Variants in OTC observed in about 807,000 individuals in gnomAD.
The protein encoded by OTC is ornithine transcarbamylase, mitochondrial.
Under a neutral mutation model 30.3 loss-of-function variants are expected in OTC, and 3 were observed. The observed-to-expected ratio is 0.10, with a 90% CI of 0.05 to 0.26. The LOEUF is 0.26. Among genes scored for constraint, OTC ranks in the 10% least tolerant of loss-of-function variants. The pLI, the probability that OTC is intolerant of heterozygous loss-of-function variation, is 1.00. For missense variants in OTC, 194 were observed against 260.3 expected, an observed-to-expected ratio of 0.75 and a Z score of 1.75; for synonymous variants, 111 against 99.7, an observed-to-expected ratio of 1.11 and a Z score of -0.67.
the OTC span, among the ~76,000 whole-genome samples, chrX:38,342,407 T>C: frequency 1.8e-5 from 2 of 111,352 alleles, no homozygotes; most frequent in Non-Finnish European, 3.8e-5. Context: ...GTGATTAGAA[T>C]AAGCCAAGAA....
intron 6 of OTC, among the ~76,000 whole-genome samples, chrX:38,405,827 A>G (rs2068513536): frequency 8.9e-6 from 1 of 111,987 alleles, no homozygotes; most frequent in African/African-American, 3.2e-5. Flanking sequence ...TACACTCTCT[A>G]TACAAAGCTA....
At chrX:38,370,812 C>T (rs767964759) in intron 3 of OTC, among the ~76,000 whole-genome samples, 9 of 111,244 alleles carry the variant, frequency 8.1e-5, no homozygotes, top group Admixed American at 2.9e-4. Flanking sequence ...TAATATTTCA[C>T]GGTTTTGTGA....
At chrX:38,399,524 G>A (rs368154798) in intron 4 of OTC, among the ~76,000 whole-genome samples, 12 of 110,792 alleles carry the variant, frequency 1.1e-4, no homozygotes, top group East Asian at 8.5e-4. Flanking sequence ...CGAGGTGGGC[G>A]GATCACCTGA....
chrX:38,340,846 G>T, the OTC span, among the ~76,000 whole-genome samples: 76 of 109,391 alleles, frequency 6.9e-4, no homozygotes, highest in Non-Finnish European at 1.3e-3. Context: ...ACCCAAGCTA[G>T]AGTACAGTGG....
intron 6 of OTC, among the ~76,000 whole-genome samples, chrX:38,405,497 T>C: frequency 9.0e-6 from 1 of 110,749 alleles, no homozygotes; most frequent in East Asian, 2.8e-4. Flanking sequence ...ACCAGACATA[T>C]TAAATTTAGG....
At chrX:38,394,050 C>A (rs1373935204) in intron 4 of OTC, among the ~76,000 whole-genome samples, 4 of 112,223 alleles carry the variant, frequency 3.6e-5, no homozygotes, top group Non-Finnish European at 7.5e-5. Context: ...AGATCACTAA[C>A]TTATGAATAT....
At chrX:38,390,807 G>A (rs1378401347) in intron 4 of OTC, among the ~76,000 whole-genome samples, 9 of 111,989 alleles carry the variant, frequency 8.0e-5, no homozygotes, top group African/African-American at 2.9e-4. Context: ...ATCTGGCCCA[G>A]CACACTACTT....
chrX:38,383,356 A>G (rs796264284), intron 4 of OTC, among the ~76,000 whole-genome samples: 1 of 112,266 alleles, frequency 8.9e-6, no homozygotes, highest in South Asian at 3.7e-4. Context: ...AGATGAGGAA[A>G]GCATGGCTCA....
chrX:38,345,305 G>A, the OTC span, among the ~76,000 whole-genome samples: 3 of 111,668 alleles, frequency 2.7e-5, no homozygotes, highest in Non-Finnish European at 5.6e-5. Flanking sequence ...TTAGTTTATA[G>A]TTTATGGTTT....
chrX:38,407,962 G>C (rs967395014), intron 6 of OTC, among the ~76,000 whole-genome samples: 1 of 111,659 alleles, frequency 9.0e-6, no homozygotes, highest in Non-Finnish European at 1.9e-5. Flanking sequence ...ACCCAGAGTA[G>C]GAACTAGGCT....
chrX:38,404,514 T>G (rs1242824922), intron 6 of OTC, among the ~76,000 whole-genome samples: 1 of 112,133 alleles, frequency 8.9e-6, no homozygotes, highest in Non-Finnish European at 1.9e-5. Context: ...TTTGTTGTTG[T>G]GGGAACATCA....
At chrX:38,360,623 G>A (rs765229982) in intron 1 of OTC, among the ~76,000 whole-genome samples, 18 of 111,326 alleles carry the variant, frequency 1.6e-4, no homozygotes, top group African/African-American at 1.3e-4. Context: ...TGGTATATCC[G>A]AGTCCTGTGA....
At chrX:38,381,533 G>T in intron 4 of OTC, 104 bp downstream of exon 4, 1 of 589,075 alleles carries the variant, frequency 1.7e-6, no homozygotes, top group Non-Finnish European at 2.9e-6. Context: ...CCCTCTAATT[G>T]TTCTGTTCTC....
intron 4 of OTC, among the ~76,000 whole-genome samples, chrX:38,394,392 T>C (rs1001366323): frequency 1.8e-5 from 2 of 112,264 alleles, no homozygotes; most frequent in Non-Finnish European, 3.8e-5. Flanking sequence ...TCCAAGGAGA[T>C]TTCATTCTTT....
At chrX:38,334,264 G>A in the OTC span, among the ~76,000 whole-genome samples, 3 of 112,289 alleles carry the variant, frequency 2.7e-5, no homozygotes, top group African/African-American at 6.5e-5. Context: ...AGTTGCCCAT[G>A]GTCTCTCAGC....
At chrX:38,380,715 G>A (rs1231744300) in intron 3 of OTC, among the ~76,000 whole-genome samples, 1 of 111,970 alleles carries the variant, frequency 8.9e-6, no homozygotes, top group Non-Finnish European at 1.9e-5. Context: ...TCAAGACAGC[G>A]TCATATATTT....
intron 3 of OTC, among the ~76,000 whole-genome samples, chrX:38,374,957 G>T (rs1602017841): frequency 8.9e-6 from 1 of 112,370 alleles, no homozygotes; most frequent in Non-Finnish European, 1.9e-5. Context: ...ATAGATAATA[G>T]AAATTTCTCT....
At chrX:38,375,648 A>T (rs1188598737) in intron 3 of OTC, among the ~76,000 whole-genome samples, 10 of 111,579 alleles carry the variant, frequency 9.0e-5, no homozygotes, top group Non-Finnish European at 1.3e-4. Context: ...GAACAAATGG[A>T]AAGGGGAAGG....
At chrX:38,406,875 A>T (rs1226305856) in intron 6 of OTC, among the ~76,000 whole-genome samples, 6 of 112,591 alleles carry the variant, frequency 5.3e-5, no homozygotes, top group Non-Finnish European at 1.1e-4. Context: ...TCAACATCTG[A>T]GTAGTTTCTT....
Sources: gnomAD v4.1 joint callset for allele counts (sites outside exome capture counted in the v4.1 genomes callset) on GRCh38, gnomAD v4.1.1 for gene constraint, MANE v1.5 for transcripts, NCBI Gene and HGNC (gene_info 2026-07-23, HGNC 2026-07-21) for gene names.